Variants in SGCG observed in about 807,000 individuals in gnomAD.
The protein encoded by SGCG is sarcoglycan gamma, also known as gamma-sarcoglycan.
Under a neutral mutation model 29.3 loss-of-function variants are expected in SGCG, and 26 were observed. That is an observed-to-expected ratio of 0.89 (90% CI 0.65 to 1.23). The LOEUF is 1.23. SGCG is among the 50% of genes most tolerant of loss of function. The probability of loss-of-function intolerance (pLI) is 0.00; values close to 1 mark genes in which losing one functional copy is unlikely to be tolerated. For missense variants in SGCG, 353 were observed against 356.0 expected, an observed-to-expected ratio of 0.99 and a Z score of 0.07; for synonymous variants, 145 against 129.7, an observed-to-expected ratio of 1.12 and a Z score of -0.80.
chr13:23,231,518 G>A (rs1879112208), intron 2 of SGCG, among the ~76,000 whole-genome samples: 2 of 152,086 alleles, frequency 1.3e-5, no homozygotes, highest in African/African-American at 4.8e-5. Context: ...CCAGAAAACT[G>A]CCACCATATG....
At chr13:23,191,038 C>CA (rs1289599308) in intron 1 of SGCG, among the ~76,000 whole-genome samples, 1 of 152,070 alleles carries the variant, frequency 6.6e-6, no homozygotes, top group Non-Finnish European at 1.5e-5. Context: ...TAACAGAACA[C>CA]AAAATCAACA....
chr13:23,296,977 TTGAAG>T (rs1881931529), intron 6 of SGCG, among the ~76,000 whole-genome samples: 1 of 152,142 alleles, frequency 6.6e-6, no homozygotes, highest in Non-Finnish European at 1.5e-5. Context: ...GAATTTAAAC[TTGAAG>T]TGAATGCAGG....
chr13:23,320,102 A>T (rs749795271), intron 6 of SGCG, among the ~76,000 whole-genome samples: 2 of 152,212 alleles, frequency 1.3e-5, no homozygotes, highest in Non-Finnish European at 2.9e-5. Flanking sequence ...TGGAAAATGC[A>T]TGTGTTGTCC....
chr13:23,300,983 G>T (rs887127504), intron 6 of SGCG, among the ~76,000 whole-genome samples: 1 of 152,098 alleles, frequency 6.6e-6, no homozygotes, highest in African/African-American at 2.4e-5. Flanking sequence ...GGGTGTGGTG[G>T]CAGGCACCTG....
At chr13:23,298,608 A>G (rs938004261) in intron 6 of SGCG, among the ~76,000 whole-genome samples, 8 of 152,212 alleles carry the variant, frequency 5.3e-5, no homozygotes, top group Non-Finnish European at 1.0e-4. Context: ...GAATTTTTAT[A>G]GAGAAGAAAA....
chr13:23,168,333 G>A, the SGCG span, among the ~76,000 whole-genome samples: 5 of 152,050 alleles, frequency 3.3e-5, no homozygotes, highest in African/African-American at 9.7e-5. Context: ...ATTTAAATAT[G>A]AGAAATTTTC....
rs192887726 is a variant in SGCG at position 23,238,590 on chromosome 13, T to C, written c.297+3878T>C. Among the ~76,000 whole-genome samples, 146 of 152,330 alleles carry C rather than the reference T, an allele frequency of 9.6e-4. 1 individual carries two copies. The highest frequency in any genetic ancestry group is 2.4e-3 in the Admixed American group (36 of 15,308). On this transcript the variant is annotated intron_variant, in intron 3 of 7. Transcript: ENST00000218867. ...CAACACTAGGAAAAAAATCCTGCTC[T>C]GGTCCATTCTAACAAAGCTTAACAG...
At chr13:23,280,363 T>G (rs550250787) in intron 5 of SGCG, among the ~76,000 whole-genome samples, 18 of 152,298 alleles carry the variant, frequency 1.2e-4, no homozygotes, top group African/African-American at 3.8e-4. Context: ...CCAATAGCAA[T>G]GTTATTGTCT....
chr13:23,265,283 A>C (rs1342521532), intron 4 of SGCG, among the ~76,000 whole-genome samples: 1 of 152,214 alleles, frequency 6.6e-6, no homozygotes, highest in Non-Finnish European at 1.5e-5. Context: ...ATATCATTAA[A>C]AAGTAGGCAA....
intron 2 of SGCG, among the ~76,000 whole-genome samples, chr13:23,228,820 A>T (rs563627769): frequency 1.1e-4 from 16 of 152,260 alleles, no homozygotes; most frequent in African/African-American, 3.8e-4. Flanking sequence ...TTATGGCTGC[A>T]TAGTATTCCA....
chr13:23,279,216 A>G, intron 4 of SGCG, 143 bp from the exon 5 acceptor site: 1 of 723,086 alleles, frequency 1.4e-6, no homozygotes, highest in Non-Finnish European at 2.3e-6. Flanking sequence ...GTTTAATCAC[A>G]GAATCAATCA....
chr13:23,320,554 C>G (rs960128483), intron 6 of SGCG, 83 bp from the exon 7 acceptor site: 10 of 1,181,674 alleles, frequency 8.5e-6, no homozygotes, highest in Non-Finnish European at 1.2e-5. Flanking sequence ...AGTTATATTT[C>G]CCATGCTAAG....
At chr13:23,263,176 A>G (rs1880511273) in intron 4 of SGCG, among the ~76,000 whole-genome samples, 1 of 152,168 alleles carries the variant, frequency 6.6e-6, no homozygotes, top group South Asian at 2.1e-4. Flanking sequence ...AAAAAAATAC[A>G]AAAGATCAAT....
intron 2 of SGCG, among the ~76,000 whole-genome samples, chr13:23,231,502 T>C (rs1566009687): frequency 1.3e-5 from 2 of 152,068 alleles, no homozygotes; most frequent in Admixed American, 6.6e-5. Context: ...ATATAACAAA[T>C]AGAGTCCAGA....
rs1439124394 is a variant in SGCG at position 23,314,407 on chromosome 13, T to TATATAA, written c.579-6229_579-6228insTATAAA. ...TTATATATATATATATATATATATATAATCTTATTCTGTCCCTAATAAGAT... is the reference window on the plus strand; with the variant it reads ...TTATATATATATATATATATATATATATATAAAATCTTATTCTGTCCCTAATAAGAT... On this transcript the variant is annotated intron_variant, in intron 6 of 7. Coordinates refer to ENST00000218867, the MANE Select transcript of SGCG (RefSeq NM_000231.3). Among the ~76,000 whole-genome samples the TATATAA allele has an allele frequency of 1.4e-3, 198 of 140,934 alleles. 3 individuals are homozygous for TATATAA. Among genetic ancestry groups the TATATAA allele is most frequent in the Middle Eastern group, 0.011 (3 of 264 alleles). The allele number at this position is 140,934 out of a possible 152,430, so 92.5% of individuals were successfully genotyped here. A position where few individuals can be genotyped will look rare whatever the true frequency, so the allele number is the denominator to read the frequency against.
At chr13:23,181,690 G>GTGGGGTAAAAGTACACA (rs1257128893) in intron 1 of SGCG, among the ~76,000 whole-genome samples, 5 of 152,176 alleles carry the variant, frequency 3.3e-5, no homozygotes, top group African/African-American at 1.2e-4. Flanking sequence ...ATAAACATAA[G>GTGGGGTAAAAGTACACA]TGGGGTAAAA....
intron 4 of SGCG, among the ~76,000 whole-genome samples, chr13:23,256,823 G>A (rs1476865123): frequency 6.6e-6 from 1 of 152,182 alleles, no homozygotes; most frequent in Non-Finnish European, 1.5e-5. Flanking sequence ...ATTGTGAACA[G>A]TGCCACAATA....
chr13:23,290,945 G>C (rs979615774), intron 5 of SGCG, among the ~76,000 whole-genome samples: 2 of 152,154 alleles, frequency 1.3e-5, no homozygotes, highest in African/African-American at 4.8e-5. Flanking sequence ...TGATTGCTGG[G>C]CTCTGTACCA....
chr13:23,219,676 T>C (rs1878578099), intron 2 of SGCG, among the ~76,000 whole-genome samples: 2 of 152,094 alleles, frequency 1.3e-5, no homozygotes, highest in South Asian at 4.1e-4. Context: ...TTCATTAATC[T>C]GATTTGATCA....
Sources: allele counts gnomAD v4.1 joint callset (sites outside exome capture counted in the v4.1 genomes callset), GRCh38; gene constraint gnomAD v4.1.1; transcripts MANE v1.5; gene names NCBI Gene and HGNC (gene_info 2026-07-23, HGNC 2026-07-21).